Variants in CTNNA1 observed in about 807,000 individuals in gnomAD.
CTNNA1 encodes catenin alpha-1.
In CTNNA1, 37 loss-of-function variants were observed where a neutral mutation model predicts 98.4. The observed-to-expected ratio is 0.38, with a 90% CI of 0.29 to 0.49. The LOEUF (loss-of-function observed/expected upper bound fraction) is 0.49. Ranked by LOEUF, CTNNA1 falls within the 20% of genes least tolerant of loss-of-function variation. The pLI is 0.95. For synonymous variants in CTNNA1, 404 were observed against 413.2 expected (o/e 0.98, Z 0.27); for missense variants, 761 against 1,147.2 (o/e 0.66, Z 4.86).
chr5:138,778,991 G>T (rs1754733964), intron 1 of CTNNA1, among the ~76,000 whole-genome samples: 1 of 152,128 alleles, frequency 6.6e-6, no homozygotes, highest in Admixed American at 6.5e-5. Flanking sequence ...CGATTCTCCT[G>T]GCTCAGCCTC....
chr5:138,880,523 TG>T (rs1412617228), intron 7 of CTNNA1, among the ~76,000 whole-genome samples: 2 of 152,242 alleles, frequency 1.3e-5, no homozygotes, highest in Non-Finnish European at 2.9e-5. Flanking sequence ...CTTCTGCTAG[TG>T]GCTTCATTGT....
At chr5:138,899,704 G>A (rs1757613086) in intron 9 of CTNNA1, among the ~76,000 whole-genome samples, 1 of 152,156 alleles carries the variant, frequency 6.6e-6, no homozygotes, top group African/African-American at 2.4e-5. Flanking sequence ...CCACCCACCA[G>A]AGGAAACACT....
chr5:138,769,642 C>T (rs985740991), intron 1 of CTNNA1, among the ~76,000 whole-genome samples: 4 of 152,054 alleles, frequency 2.6e-5, no homozygotes, highest in East Asian at 1.9e-4. Flanking sequence ...AAGCGATTCT[C>T]CTGCCTCAGC....
At chr5:138,871,719 G>A (rs1301229353) in intron 7 of CTNNA1, 2 of 152,194 alleles carry the variant, frequency 1.3e-5, no homozygotes, top group East Asian at 3.9e-4. Context: ...GGCTGCATAG[G>A]CATGTCGAGT....
At chr5:138,779,401 C>T (rs1384474268) in intron 1 of CTNNA1, among the ~76,000 whole-genome samples, 1 of 152,092 alleles carries the variant, frequency 6.6e-6, no homozygotes, top group Non-Finnish European at 1.5e-5. Context: ...GATAGTTGTC[C>T]TAAATTTGGC....
At chr5:138,755,965 C>T (rs1418694775) in intron 1 of CTNNA1, among the ~76,000 whole-genome samples, 1 of 143,422 alleles carries the variant, frequency 7.0e-6, no homozygotes, top group Non-Finnish European at 1.5e-5. Flanking sequence ...GGGATTCAAG[C>T]GATTCTCCTG....
chr5:138,908,325 C>T (rs1033232047), intron 10 of CTNNA1, among the ~76,000 whole-genome samples: 3 of 152,152 alleles, frequency 2.0e-5, no homozygotes, highest in Admixed American at 6.5e-5. Flanking sequence ...ATCCATTCTA[C>T]AGTACTCACT....
intron 11 of CTNNA1, among the ~76,000 whole-genome samples, chr5:138,921,205 T>C (rs1047315773): frequency 6.6e-6 from 1 of 152,240 alleles, no homozygotes; most frequent in Non-Finnish European, 1.5e-5. Flanking sequence ...AAAGACTCTT[T>C]GAATTTCACT....
At chr5:138,860,123 G>T (rs778037039) in intron 7 of CTNNA1, among the ~76,000 whole-genome samples, 1 of 152,122 alleles carries the variant, frequency 6.6e-6, no homozygotes, top group Non-Finnish European at 1.5e-5. Context: ...CTCTGATACT[G>T]AAATAATTGA....
chr5:138,842,051 T>C (rs1333255666), intron 7 of CTNNA1, among the ~76,000 whole-genome samples: 1 of 152,342 alleles, frequency 6.6e-6, no homozygotes, highest in Non-Finnish European at 1.5e-5. Context: ...GAATATTGCT[T>C]ACTATTTCCT....
Position 138,827,506 on chromosome 5 carries a change from TC to T in CTNNA1, c.859-8del, listed in dbSNP as rs2149785367. ...TGAGTACTAACATTCGGTAATACTT[TC>T]TCTGCAGAAACAAATCATTGTGGAC... On this transcript the variant is annotated splice_region_variant and splice_polypyrimidine_tract_variant and intron_variant, in intron 6 of 17. Transcript: ENST00000302763. The T allele has an allele frequency of 1.2e-6, 2 of 1,614,144 alleles. No homozygotes were observed. The highest frequency in any genetic ancestry group is 2.2e-5 in the South Asian group (2 of 91,080).
intron 7 of CTNNA1, among the ~76,000 whole-genome samples, chr5:138,831,559 TC>T (rs1761278490): frequency 6.6e-6 from 1 of 152,028 alleles, no homozygotes; most frequent in Non-Finnish European, 1.5e-5. Flanking sequence ...TTCTGGAAAT[TC>T]CCTTCCTACC....
At chr5:138,898,660 CT>C (rs1402599817) in intron 9 of CTNNA1, among the ~76,000 whole-genome samples, 1 of 151,118 alleles carries the variant, frequency 6.6e-6, no homozygotes, top group African/African-American at 2.4e-5. Context: ...GTGTGGATTT[CT>C]TTTTATTTGC....
intron 1 of CTNNA1, among the ~76,000 whole-genome samples, chr5:138,777,406 C>T (rs1472190633): frequency 6.7e-6 from 1 of 150,272 alleles, no homozygotes; most frequent in Non-Finnish European, 1.5e-5. Flanking sequence ...TCCTCACGTC[C>T]CAGACGATGG....
chr5:138,881,179 C>T lies in CTNNA1; in HGVS notation c.1063-5033C>T, dbSNP rs375054824. 14 of 452,690 alleles carry T rather than the reference C, an allele frequency of 3.1e-5. No homozygotes were observed. In the East Asian group the frequency reaches 4.9e-4, roughly 16 times the overall value. 28.0% of individuals were successfully genotyped at this position (452,690 alleles called of 1,614,324 possible). The stretch of plus-strand genomic sequence containing the variant: ...TGAGAGCTCGTCTTGATGCTTGTTG[C>T]GTTTGTCTGTGTATGTCTGCAGTGT... On this transcript the variant is annotated intron_variant, in intron 7 of 17. Coordinates refer to ENST00000302763, the MANE Select transcript of CTNNA1 (RefSeq NM_001903.5).
chr5:138,776,035 GTTTC>G (rs1754096298), intron 1 of CTNNA1, among the ~76,000 whole-genome samples: 1 of 68,104 alleles, frequency 1.5e-5, no homozygotes, highest in Non-Finnish European at 3.0e-5. Flanking sequence ...CTCTGGAAAT[GTTTC>G]TTTTTTTTTT....
chr5:138,809,470 T>G (rs1758449522), intron 3 of CTNNA1, among the ~76,000 whole-genome samples: 2 of 152,228 alleles, frequency 1.3e-5, no homozygotes, highest in African/African-American at 4.8e-5. Flanking sequence ...ATAATTTACT[T>G]AACTAGATGC....
intron 5 of CTNNA1, among the ~76,000 whole-genome samples, chr5:138,815,381 C>T (rs1277280390): frequency 1.3e-5 from 2 of 152,114 alleles, no homozygotes; most frequent in African/African-American, 4.8e-5. Flanking sequence ...ACCTAACCTG[C>T]CTGGATTTCA....
intron 7 of CTNNA1, among the ~76,000 whole-genome samples, chr5:138,839,448 G>A (rs757462934): frequency 8.6e-5 from 13 of 151,690 alleles, no homozygotes; most frequent in Middle Eastern, 3.4e-3. Flanking sequence ...TGATCCACCC[G>A]CCTTGGCCTC....
Sources: allele counts gnomAD v4.1 joint callset (sites outside exome capture counted in the v4.1 genomes callset), GRCh38; gene constraint gnomAD v4.1.1; transcripts MANE v1.5; gene names NCBI Gene and HGNC (gene_info 2026-07-23, HGNC 2026-07-21).